Variants in NCLN observed in about 807,000 individuals in gnomAD.
NCLN encodes the protein nicalin.
A neutral mutation model predicts 69.5 loss-of-function variants in NCLN; 34 were observed. That is an observed-to-expected ratio of 0.49 (90% confidence interval 0.37 to 0.65). The LOEUF (loss-of-function observed/expected upper bound fraction) is 0.65, where lower values mean the gene tolerates loss of function less well. NCLN is among the 30% of genes least tolerant of loss of function. The pLI, the probability that NCLN is intolerant of heterozygous loss-of-function variation, is 0.00. For missense variants in NCLN, 710 were observed against 804.8 expected (o/e 0.88, Z 1.42); for synonymous variants, 393 against 358.3 (o/e 1.10, Z -1.09).
intron 6 of NCLN, among the ~76,000 whole-genome samples, chr19:3,202,710 C>T (rs899723647): frequency 6.6e-6 from 1 of 152,056 alleles, no homozygotes; most frequent in African/African-American, 2.4e-5. Flanking sequence ...TCCTAAAGCA[C>T]TAGGATTACA....
chr19:3,197,021 GA>G (rs1314273531), intron 4 of NCLN, among the ~76,000 whole-genome samples: 8 of 152,262 alleles, frequency 5.3e-5, no homozygotes, highest in African/African-American at 1.9e-4. Context: ...CCGGGGTGGG[GA>G]AAGTGTCCTG....
At chr19:3,190,299 T>C (rs1399824860) in intron 1 of NCLN, among the ~76,000 whole-genome samples, 1 of 152,130 alleles carries the variant, frequency 6.6e-6, no homozygotes, top group Non-Finnish European at 1.5e-5. Context: ...CTGCTGGGCC[T>C]GGGGTGCGTG....
chr19:3,204,676 G>T lies in NCLN; in HGVS notation c.1133G>T (p.Arg378Leu). The change falls in exon 9 of 15, where the codon CGC (arginine) becomes CTC (leucine). Residue 378 changes from arginine to leucine, a missense_variant. Arg to Leu is a moderately radical substitution (Grantham distance 102). Coordinates refer to ENST00000246117, the MANE Select transcript of NCLN (RefSeq NM_020170.4). ...TGGGAGCACGAGCGCTTCGCCATCC[G>T]CCGACTGCCCGCCTTCACGCTGTCC... Reference protein sequence around the residue: ...LAWEHERFAIRRLPAFTLSHL... With the variant: ...LAWEHERFAILRLPAFTLSHL... The T allele has an allele frequency of 6.2e-7, 1 of 1,608,476 alleles. No individual in the cohort carries two copies. The highest frequency in any genetic ancestry group is 8.5e-7 in the Non-Finnish European group (1 of 1,177,776).
intron 13 of NCLN, 58 bp downstream of exon 13, chr19:3,207,309 G>T: frequency 6.2e-7 from 1 of 1,612,876 alleles, no homozygotes; most frequent in Admixed American, 1.7e-5. Context: ...ACAGCCGAGG[G>T]GACTGCGGCC....
At chr19:3,202,163 C>T (rs1916143454) in intron 6 of NCLN, among the ~76,000 whole-genome samples, 1 of 152,116 alleles carries the variant, frequency 6.6e-6, no homozygotes. Flanking sequence ...TGATCATCTG[C>T]CCCGCTGAGG....
At position 3,203,994 on chromosome 19, in the gene NCLN, G is replaced by A; in HGVS notation, c.890-11G>A. 1.3e-6 allele frequency: 2 copies of A among 1,559,876 alleles called. No individual in the cohort carries two copies. The highest frequency in any genetic ancestry group is 2.4e-5 in the East Asian group (1 of 41,978). ...TCCCCACCCACCCCGCCAGCTCTCG[G>A]TGTCCTGCAGACTCCAGCCTGCTTC... On this transcript the variant is annotated splice_polypyrimidine_tract_variant and intron_variant, in intron 7 of 14. Coordinates refer to ENST00000246117, the MANE Select transcript of NCLN (RefSeq NM_020170.4).
chr19:3,196,845 C>T (rs1915972767), intron 4 of NCLN, among the ~76,000 whole-genome samples: 1 of 152,258 alleles, frequency 6.6e-6, no homozygotes, highest in South Asian at 2.1e-4. Flanking sequence ...CACCCACCGA[C>T]TCCTCTAGCA....
At chr19:3,200,824 C>G (rs1480981792) in intron 5 of NCLN, among the ~76,000 whole-genome samples, 2 of 152,136 alleles carry the variant, frequency 1.3e-5, no homozygotes, top group African/African-American at 4.8e-5. Context: ...TGCCTGTGGA[C>G]TGGCCTGTTG....
rs78026039 is a variant in NCLN at position 3,188,018 on chromosome 19, G to A, written c.184+1804G>A. On this transcript the variant is annotated intron_variant, in intron 1 of 14. Coordinates refer to ENST00000246117, the MANE Select transcript of NCLN (RefSeq NM_020170.4). ...GCAACCGGGGGGCAGGATTTTCAGC[G>A]CTGCTTGAGGGTAATAAACGCAAGT... Among the ~76,000 whole-genome samples the A allele has an allele frequency of 2.7e-3, 415 of 152,250 alleles. 2 individuals carry two copies. Among genetic ancestry groups the A allele is most frequent in the African/African-American group, 9.5e-3 (394 of 41,544 alleles).
At chr19:3,190,083 AG>A (rs1025566126) in intron 1 of NCLN, among the ~76,000 whole-genome samples, 10 of 152,164 alleles carry the variant, frequency 6.6e-5, no homozygotes, top group African/African-American at 2.4e-4. Context: ...CCGGCCCCAA[AG>A]GGGTGACATT....
chr19:3,201,729 C>T (rs1490819326), intron 6 of NCLN, 103 bp downstream of exon 6: 5 of 1,007,642 alleles, frequency 5.0e-6, no homozygotes, highest in Non-Finnish European at 7.1e-6. Flanking sequence ...AGCCTCCTGG[C>T]CCCAAAGTGG....
At position 3,205,724 on chromosome 19, in the gene NCLN, G is replaced by C. The variant is rs758686068; in HGVS notation, c.1209-215G>C. On this transcript the variant is annotated intron_variant, in intron 9 of 14. Coordinates refer to ENST00000246117, the MANE Select transcript of NCLN (RefSeq NM_020170.4). The surrounding 1 kb of genome is among the most constrained non-coding windows in gnomAD (Gnocchi z 4.6). ...AGGGCGTGAGCCTTACCTGCGCACA[G>C]GGACGGGTCAGGGCAAGGGGCCTGG... 2 of 572,488 alleles carry C rather than the reference G, an allele frequency of 3.5e-6. No individual in the cohort carries two copies. Among genetic ancestry groups the C allele is most frequent in the Non-Finnish European group, 6.2e-6 (2 of 323,214 alleles). The allele number at this position is 572,488 out of a possible 1,614,324, so 35.5% of individuals were successfully genotyped here.
At position 3,192,665 on chromosome 19, in the gene NCLN, G is replaced by A; in HGVS notation, c.375+5G>A. 1 of 1,546,150 alleles carries A rather than the reference G, an allele frequency of 6.5e-7. No homozygotes were observed. The highest frequency in any genetic ancestry group is 1.2e-5 in the South Asian group (1 of 83,182). On this transcript the variant is annotated splice_donor_5th_base_variant and intron_variant, in intron 2 of 14. Coordinates refer to ENST00000246117, the MANE Select transcript of NCLN (RefSeq NM_020170.4). Reference sequence around the variant, plus strand: ...GTGCCCCAGGACGTCGTCCGGGTGAGCGTCTGCCCTGCCCCGCCCGGCTCA... The same window carrying A: ...GTGCCCCAGGACGTCGTCCGGGTGAACGTCTGCCCTGCCCCGCCCGGCTCA...
At chr19:3,187,055 G>A (rs564291268) in intron 1 of NCLN, among the ~76,000 whole-genome samples, 1 of 152,074 alleles carries the variant, frequency 6.6e-6, no homozygotes, top group Admixed American at 6.6e-5. Flanking sequence ...TTTCTGTCCC[G>A]CCTTTGATGC....
intron 5 of NCLN, 25 bp downstream of exon 5, chr19:3,198,922 C>G (rs373861622): frequency 2.8e-6 from 4 of 1,415,592 alleles, no homozygotes; most frequent in Non-Finnish European, 3.7e-6. Context: ...CCCCATTCCC[C>G]CCACCCCACA....
In NCLN at chr19:3,204,103, G is replaced by A; in HGVS notation, c.988G>A (p.Glu330Lys). ...LHLHVSKPPR[E>K]GTLQHAFLRE... ...CCTGCACGTGTCCAAGCCGCCTCGGGAGGGCACCCTGCAGCACGCCTTCCT... is the reference window on the plus strand; with the variant it reads ...CCTGCACGTGTCCAAGCCGCCTCGGAAGGGCACCCTGCAGCACGCCTTCCT... The change falls in exon 8 of 15, where the codon GAG becomes AAG. Residue 330 changes from glutamate (E) to lysine (K), a missense_variant. Physicochemically the swap from Glu to Lys is moderately conservative, Grantham distance 56. Transcript: ENST00000246117. The A allele has an allele frequency of 6.5e-7, 1 of 1,531,762 alleles. No individual in the cohort carries two copies. Among genetic ancestry groups the A allele is most frequent in the South Asian group, 1.3e-5 (1 of 78,976 alleles). The allele number at this position is 1,531,762 out of a possible 1,614,324, so 94.9% of individuals were successfully genotyped here.
intron 1 of NCLN, among the ~76,000 whole-genome samples, chr19:3,191,920 G>A (rs1915836469): frequency 6.6e-6 from 1 of 152,162 alleles, no homozygotes; most frequent in South Asian, 2.1e-4. Context: ...CGGGCACGGT[G>A]GCTCACGCCT....
At chr19:3,207,584 C>T (rs375071104) in intron 14 of NCLN, 45 bp from the exon 15 acceptor site, 1 of 1,610,706 alleles carries the variant, frequency 6.2e-7, no homozygotes, top group South Asian at 1.1e-5. Flanking sequence ...TGACCTGGGG[C>T]TCTGGCCCCG....
At position 3,204,581 on chromosome 19, in the gene NCLN, G is replaced by A. The variant is rs375931150; in HGVS notation, c.1038G>A (p.Ala346=). 1.7e-5 allele frequency: 26 copies of A among 1,541,338 alleles called. No individual in the cohort carries two copies. The highest frequency in any genetic ancestry group is 8.4e-5 in the African/African-American group (6 of 71,800). Reference sequence around the variant, plus strand: ...GGCGCCTCCGGCTGCAGGTGGCCGCGCACCAGTTCCCTGAGGTACGGTTCT... The same window carrying A: ...GGCGCCTCCGGCTGCAGGTGGCCGCACACCAGTTCCCTGAGGTACGGTTCT... ...AFLRELETVA[A]HQFPEVRFSM... Residue 346 remains alanine, a synonymous_variant, in exon 9 of 15, where the codon GCG becomes GCA. Transcript: ENST00000246117.
Sources: gnomAD v4.1 joint callset for allele counts (sites outside exome capture counted in the v4.1 genomes callset) on GRCh38, gnomAD v4.1.1 for gene constraint, Gnocchi (gnomAD v3.1) non-coding constraint, MANE v1.5 for transcripts, NCBI Gene and HGNC (gene_info 2026-07-23, HGNC 2026-07-21) for gene names.